The following TMPRSS4 variants were observed in gnomAD, a reference collection of about 807,000 sequenced individuals.
The protein encoded by TMPRSS4 is transmembrane serine protease 4.
In TMPRSS4, 45 loss-of-function variants were observed where a neutral mutation model predicts 56.4. The ratio of observed to expected loss-of-function variants is 0.80; its 90% confidence interval spans 0.63 to 1.02. The LOEUF is 1.02. Ranked by LOEUF, TMPRSS4 falls within the 50% of genes least tolerant of loss-of-function variation. The pLI, the probability that TMPRSS4 is intolerant of heterozygous loss-of-function variation, is 0.00. For missense variants in TMPRSS4, 546 were observed against 556.7 expected (o/e 0.98, Z 0.19); for synonymous variants, 205 against 211.0 (o/e 0.97, Z 0.25).
At chr11:118,109,017 C>A in intron 7 of TMPRSS4, 121 bp downstream of exon 7, 1 of 1,166,558 alleles carries the variant, frequency 8.6e-7, no homozygotes, top group Non-Finnish European at 1.2e-6. Context: ...GGTCTACAGC[C>A]CTTGGGCTTG....
In TMPRSS4 at chr11:118,114,832, C is replaced by A; in HGVS notation, c.914C>A (p.Thr305Lys). Residue 305 changes from threonine to lysine, a missense_variant, in exon 10 of 13, where the codon ACA becomes AAA. Thr to Lys is a moderately conservative substitution (Grantham distance 78, BLOSUM62 -1). Transcript: ENST00000437212. ...TCTTCCTCTGTGCTCCTGGCAGGCA[C>A]AGTCAGGCCCATCTGTCTGCCCTTC... ...KLQFPLTFSG[T>K]VRPICLPFFD... is the part of the protein sequence containing the mutation. 2 of 1,604,470 alleles carry A rather than the reference C, an allele frequency of 1.2e-6. No homozygotes were observed. The highest frequency in any genetic ancestry group is 1.7e-6 in the Non-Finnish European group (2 of 1,175,548).
At chr11:118,088,588 C>G (rs1457089250) in intron 1 of TMPRSS4, among the ~76,000 whole-genome samples, 1 of 152,206 alleles carries the variant, frequency 6.6e-6, no homozygotes, top group East Asian at 1.9e-4. Flanking sequence ...CCGGATGAGC[C>G]CCAGGTCAGA....
chr11:118,110,812 A>C (rs1483047828), intron 7 of TMPRSS4, among the ~76,000 whole-genome samples: 10 of 152,118 alleles, frequency 6.6e-5, no homozygotes, highest in Admixed American at 6.5e-4. Flanking sequence ...TGTCCCTGCC[A>C]CTCACTTCCT....
In TMPRSS4 at chr11:118,117,882, A is replaced by G. The variant is rs1301681607; in HGVS notation, c.1303-20A>G. On this transcript the variant is annotated intron_variant, in intron 12 of 12. Coordinates refer to ENST00000437212, the MANE Select transcript of TMPRSS4 (RefSeq NM_019894.4). ...TTTCAGATAATCTGACTTTCTCTTC[A>G]TCGGTCTCTCTTATTCTAGGCTGAG... is the stretch of plus-strand genomic sequence containing the variant. The G allele has an allele frequency of 1.9e-6, 3 of 1,613,838 alleles. No homozygotes were observed. The highest frequency in any genetic ancestry group is 1.7e-6 in the Non-Finnish European group (2 of 1,180,048).
chr11:118,079,230 C>A (rs1007497066), intron 1 of TMPRSS4, among the ~76,000 whole-genome samples: 2 of 152,132 alleles, frequency 1.3e-5, no homozygotes, highest in Non-Finnish European at 2.9e-5. Context: ...TGCTTAATAA[C>A]CCTTGACAGC....
At chr11:118,098,317 C>T (rs190342316) in intron 2 of TMPRSS4, among the ~76,000 whole-genome samples, 1 of 152,250 alleles carries the variant, frequency 6.6e-6, no homozygotes, top group Non-Finnish European at 1.5e-5. Flanking sequence ...TCCCAAACTG[C>T]ATTTAAGTGC....
downstream of TMPRSS4, among the ~76,000 whole-genome samples, chr11:118,124,511 C>A (rs779325716): frequency 7.9e-5 from 12 of 152,074 alleles, no homozygotes; most frequent in Non-Finnish European, 1.5e-4. Context: ...TTTTATTATT[C>A]TTTTTACTTT....
chr11:118,117,514 C>T, intron 12 of TMPRSS4, 60 bp downstream of exon 12: 1 of 1,548,258 alleles, frequency 6.5e-7, no homozygotes, highest in South Asian at 1.2e-5. Context: ...TGGGGGGTGC[C>T]AATCCATCCT....
chr11:118,117,502 C>G lies in TMPRSS4; in HGVS notation c.1302+48C>G, dbSNP rs769800249. The G allele has an allele frequency of 4.5e-6, 7 of 1,572,178 alleles. No homozygotes were observed. In the African/African-American group the frequency reaches 8.1e-5, roughly 18 times the overall value. On this transcript the variant is annotated intron_variant, in intron 12 of 12. Coordinates refer to ENST00000437212, the MANE Select transcript of TMPRSS4 (RefSeq NM_019894.4). ...ACTGTGCCTTCCCTCCAGTCCTCTA[C>G]CTGGGGGGTGCCAATCCATCCTCAG...
intron 1 of TMPRSS4, among the ~76,000 whole-genome samples, chr11:118,081,817 G>A (rs181374650): frequency 4.1e-4 from 62 of 152,336 alleles, no homozygotes; most frequent in African/African-American, 1.4e-3. Context: ...GTACTGGCAA[G>A]ATACCATGGA....
chr11:118,079,166 C>A (rs1359050974), intron 1 of TMPRSS4, among the ~76,000 whole-genome samples: 1 of 152,234 alleles, frequency 6.6e-6, no homozygotes, highest in Non-Finnish European at 1.5e-5. Context: ...AAGTTTCTAG[C>A]CCCGGAGCTA....
chr11:118,112,710 T>C (rs1231542935), intron 8 of TMPRSS4, among the ~76,000 whole-genome samples: 1 of 152,030 alleles, frequency 6.6e-6, no homozygotes, highest in African/African-American at 2.4e-5. Context: ...ATTCATTCAT[T>C]CAATATCTAA....
chr11:118,123,164 A>G (rs76600739), downstream of TMPRSS4, among the ~76,000 whole-genome samples: 1,718 of 152,184 alleles, frequency 0.011, 37 homozygotes, highest in African/African-American at 0.04. Flanking sequence ...ATACCCTCAT[A>G]TCATCCCACG....
At chr11:118,124,008 T>C (rs929627948), downstream of TMPRSS4, among the ~76,000 whole-genome samples, 6 of 152,154 alleles carry the variant, frequency 3.9e-5, no homozygotes, top group Non-Finnish European at 8.8e-5. Context: ...GACAATGATA[T>C]AGTTAAGTAA....
rs181211603 is a variant in TMPRSS4 at position 118,117,934 on chromosome 11, G to T, written c.*21G>T. ...TGTAATGCTGCTGCCCCTTTGCAGT[G>T]CTGGGAGCCGCTTCCTTCCTGCCCT... On this transcript the variant is annotated 3_prime_UTR_variant, in exon 13 of 13. Coordinates refer to ENST00000437212, the MANE Select transcript of TMPRSS4 (RefSeq NM_019894.4). The T allele has an allele frequency of 6.2e-6, 10 of 1,612,650 alleles. No homozygotes were observed. The highest frequency in any genetic ancestry group is 1.3e-5 in the African/African-American group (1 of 74,898).
intron 3 of TMPRSS4, 184 bp downstream of exon 3, chr11:118,099,282 A>C: frequency 4.6e-6 from 2 of 436,972 alleles, no homozygotes; most frequent in East Asian, 3.9e-5. Flanking sequence ...TCCCATTATC[A>C]CCTCAGTAAG....
chr11:118,114,719 AGT>A, intron 9 of TMPRSS4, 108 bp from the exon 10 acceptor site: 2 of 1,191,234 alleles, frequency 1.7e-6, no homozygotes, highest in Non-Finnish European at 2.4e-6. Context: ...TAGCTAACCC[AGT>A]CTCTCCCAGA....
intron 3 of TMPRSS4, among the ~76,000 whole-genome samples, chr11:118,099,554 G>A (rs1399982224): frequency 6.6e-6 from 1 of 152,162 alleles, no homozygotes; most frequent in African/African-American, 2.4e-5. Context: ...AGTGAAAGGG[G>A]AGATGAACTC....
Position 118,108,888 on chromosome 11 carries a change from A to G in TMPRSS4, c.575A>G (p.His192Arg), listed in dbSNP as rs1947133984. Residue 192 changes from histidine (H) to arginine (R), a missense_variant, in exon 7 of 13, where the codon CAC (histidine) becomes CGC (arginine). His to Arg is a conservative substitution (Grantham distance 29, BLOSUM62 0). Coordinates refer to ENST00000437212, the MANE Select transcript of TMPRSS4 (RefSeq NM_019894.4). ...CTCTCAGGCTCCCTGGTCTCCCTGC[A>G]CTGTCTTGGTGAGTACCCCCAATCT... is the stretch of plus-strand genomic sequence containing the variant. Reference protein sequence around the residue: ...PCLSGSLVSLHCLACGKSLKT... With the variant: ...PCLSGSLVSLRCLACGKSLKT... The G allele has an allele frequency of 6.2e-7, 1 of 1,613,756 alleles. No individual in the cohort carries two copies. Among genetic ancestry groups the G allele is most frequent in the South Asian group, 1.1e-5 (1 of 91,018 alleles).
Sources: allele counts gnomAD v4.1 joint callset (sites outside exome capture counted in the v4.1 genomes callset), GRCh38; gene constraint gnomAD v4.1.1; transcripts MANE v1.5; gene names NCBI Gene and HGNC (gene_info 2026-07-23, HGNC 2026-07-21).